The following RORA variants were observed in gnomAD, a reference collection of about 807,000 sequenced individuals.
RORA encodes RAR related orphan receptor A.
A neutral mutation model predicts 69.5 loss-of-function variants in RORA; 7 were observed. The ratio of observed to expected loss-of-function variants is 0.10; its 90% CI spans 0.06 to 0.19. The LOEUF is 0.19. RORA is among the 10% of genes least tolerant of loss of function. RORA has a pLI of 1.00. For synonymous variants in RORA, 261 were observed against 240.8 expected (o/e 1.08, Z -0.78); for missense variants, 457 against 663.0 (o/e 0.69, Z 3.41).
intron 1 of RORA, among the ~76,000 whole-genome samples, chr15:61,049,119 G>A (rs1407285734): frequency 2.0e-5 from 3 of 152,088 alleles, no homozygotes; most frequent in Non-Finnish European, 4.4e-5. Context: ...CAGTGTTTTC[G>A]GAAACTGCGG....
chr15:61,073,567 G>C (rs2078401639), intron 1 of RORA, among the ~76,000 whole-genome samples: 1 of 152,136 alleles, frequency 6.6e-6, no homozygotes, highest in East Asian at 1.9e-4. Flanking sequence ...TCAGTGATAT[G>C]GGCTTAGGGA....
At chr15:60,713,189 C>T (rs1365794469) in intron 1 of RORA, among the ~76,000 whole-genome samples, 1 of 152,138 alleles carries the variant, frequency 6.6e-6, no homozygotes, top group South Asian at 2.1e-4. Flanking sequence ...GCAATCCATG[C>T]CAGAGAAGCC....
intron 2 of RORA, among the ~76,000 whole-genome samples, chr15:60,605,814 G>A (rs2068932727): frequency 6.6e-6 from 1 of 152,136 alleles, no homozygotes; most frequent in Non-Finnish European, 1.5e-5. Context: ...TGGAGATGAC[G>A]TTTTTTAAAC....
rs1009604861 is a variant in RORA at position 60,537,017 on chromosome 15, C to T, written c.197-5166G>A. The stretch of plus-strand genomic sequence containing the variant: ...AAGATTAAAAAGAAAAACCCTAAGG[C>T]ATTTGATTTTATTTTCAGTAAAATG... On this transcript the variant is annotated intron_variant, in intron 2 of 10. Coordinates refer to ENST00000335670, the MANE Select transcript of RORA (RefSeq NM_134261.3). The surrounding 1 kb of genome is among the most constrained non-coding windows in gnomAD (Gnocchi z 4.9). Among the ~76,000 whole-genome samples, 5 of 152,182 alleles carry T rather than the reference C, an allele frequency of 3.3e-5. No homozygotes were observed. The highest frequency in any genetic ancestry group is 5.9e-5 in the Non-Finnish European group (4 of 68,016).
chr15:60,961,487 G>A (rs1893412814), intron 1 of RORA, among the ~76,000 whole-genome samples: 1 of 152,218 alleles, frequency 6.6e-6, no homozygotes, highest in African/African-American at 2.4e-5. Context: ...ATACGTGACA[G>A]AGACTTAAAA....
chr15:60,883,008 G>A (rs555731229), intron 1 of RORA, among the ~76,000 whole-genome samples: 1 of 151,330 alleles, frequency 6.6e-6, no homozygotes, highest in South Asian at 2.1e-4. Flanking sequence ...GCAGGCGCCT[G>A]TAATCCCAGT....
Position 60,614,852 on chromosome 15 carries a change from C to T in RORA, c.196+63805G>A, listed in dbSNP as rs113924538. Reference sequence around the variant, plus strand: ...AGACAGACACTGACATGCTTACATACATATAGCTGCCTGGAGCATAGTAAG... The same window carrying T: ...AGACAGACACTGACATGCTTACATATATATAGCTGCCTGGAGCATAGTAAG... On this transcript the variant is annotated intron_variant, in intron 2 of 10. Coordinates refer to ENST00000335670, the MANE Select transcript of RORA (RefSeq NM_134261.3). The T allele has an allele frequency of 1.5e-3, 2,248 of 1,540,692 alleles. 26 individuals are homozygous for T. The African/African-American group carries it at 0.027, about 19-fold the overall frequency.
intron 1 of RORA, among the ~76,000 whole-genome samples, chr15:60,886,516 C>T (rs2073752208): frequency 6.6e-6 from 1 of 152,220 alleles, no homozygotes; most frequent in Non-Finnish European, 1.5e-5. Context: ...CTTGCACTTG[C>T]TTATGTTAAA....
intron 1 of RORA, among the ~76,000 whole-genome samples, chr15:61,225,920 T>G (rs1223874945): frequency 6.6e-6 from 1 of 152,138 alleles, no homozygotes; most frequent in Non-Finnish European, 1.5e-5. Context: ...TGGAACTGAG[T>G]GACACCAGCT....
At chr15:60,821,989 A>C (rs1305003538) in intron 1 of RORA, among the ~76,000 whole-genome samples, 1 of 150,748 alleles carries the variant, frequency 6.6e-6, no homozygotes, top group Admixed American at 6.7e-5. Flanking sequence ...GAATAAAGCA[A>C]TGAGTAGCAG....
intron 3 of RORA, among the ~76,000 whole-genome samples, chr15:60,515,020 A>G (rs2065818589): frequency 1.3e-5 from 2 of 152,238 alleles, no homozygotes; most frequent in South Asian, 4.1e-4. Flanking sequence ...AAAAAGGCAC[A>G]GGACCAGGTC....
chr15:60,627,455 G>C (rs143635644), intron 2 of RORA: 1 of 1,584,706 alleles, frequency 6.3e-7, no homozygotes, highest in East Asian at 2.2e-5. Context: ...AAGGTGATCA[G>C]ACAGATGGCT....
At chr15:61,055,244 G>A (rs977764695) in intron 1 of RORA, among the ~76,000 whole-genome samples, 11 of 152,126 alleles carry the variant, frequency 7.2e-5, no homozygotes, top group Admixed American at 3.9e-4. Flanking sequence ...TTAAAAATTC[G>A]AATTTATTTT....
At chr15:60,831,639 G>C (rs1408083360) in intron 1 of RORA, among the ~76,000 whole-genome samples, 2 of 152,128 alleles carry the variant, frequency 1.3e-5, no homozygotes, top group Non-Finnish European at 2.9e-5. Flanking sequence ...GGTATTTTGA[G>C]TTGAGGGAGA....
At chr15:60,860,089 T>G (rs2073422675) in intron 1 of RORA, among the ~76,000 whole-genome samples, 1 of 152,198 alleles carries the variant, frequency 6.6e-6, no homozygotes, top group Non-Finnish European at 1.5e-5. Context: ...CTGGCATGAC[T>G]AGAAATGTCA....
chr15:61,211,891 A>G (rs2079995334), intron 1 of RORA: 1 of 152,104 alleles, frequency 6.6e-6, no homozygotes, highest in South Asian at 2.1e-4. Context: ...TCCCTAGAAA[A>G]CTGTTAAGTG....
At chr15:60,756,055 A>T (rs539786684) in intron 1 of RORA, among the ~76,000 whole-genome samples, 11 of 152,182 alleles carry the variant, frequency 7.2e-5, no homozygotes, top group Non-Finnish European at 1.5e-4. Context: ...ACCTTCTCCT[A>T]AGTGACAGCT....
intron 2 of RORA, among the ~76,000 whole-genome samples, chr15:60,574,148 G>A (rs772566834): frequency 1.3e-5 from 2 of 152,196 alleles, no homozygotes; most frequent in Non-Finnish European, 2.9e-5. Context: ...AGCCCTGCGA[G>A]TCTGGCAGAC....
intron 1 of RORA, among the ~76,000 whole-genome samples, chr15:60,907,092 G>A (rs939737933): frequency 6.6e-6 from 1 of 152,024 alleles, no homozygotes; most frequent in African/African-American, 2.4e-5. Flanking sequence ...ACTTTGGGAG[G>A]GAGGTATCAT....
Sources: gnomAD v4.1 joint callset for allele counts (sites outside exome capture counted in the v4.1 genomes callset) on GRCh38, gnomAD v4.1.1 for gene constraint, Gnocchi (gnomAD v3.1) non-coding constraint, MANE v1.5 for transcripts, NCBI Gene and HGNC (gene_info 2026-07-23, HGNC 2026-07-21) for gene names.